The following SHLD2 variants were observed in gnomAD, a reference collection of about 807,000 sequenced individuals.
SHLD2 encodes the protein shieldin complex subunit 2, also known as RINN1-REV7-interacting novel NHEJ regulator 2.
SHLD2 carries 30 observed loss-of-function variants against 73.2 expected under a neutral mutation model. The ratio of observed to expected loss-of-function variants is 0.41; its 90% CI spans 0.31 to 0.56. SHLD2 has a LOEUF of 0.56. Among genes scored for constraint, SHLD2 ranks in the 20% least tolerant of loss-of-function variants. SHLD2 has a pLI of 0.28. For synonymous variants in SHLD2, 285 were observed against 370.1 expected, an observed-to-expected ratio of 0.77 and a Z score of 2.64; for missense variants, 745 against 1,055.9, an observed-to-expected ratio of 0.71 and a Z score of 4.08.
chr10:87,133,363 A>G (rs1729172080), intron 2 of SHLD2, among the ~76,000 whole-genome samples: 1 of 152,104 alleles, frequency 6.6e-6, no homozygotes, highest in African/African-American at 2.4e-5. Context: ...CACTTCTGCA[A>G]TATCTAAATT....
chr10:87,147,889 A>T (rs1313050090), intron 2 of SHLD2, among the ~76,000 whole-genome samples: 6 of 147,036 alleles, frequency 4.1e-5, no homozygotes, highest in Non-Finnish European at 3.0e-5. Context: ...TTTTTTTGAG[A>T]CAGAGTCACC....
chr10:87,177,643 C>A (rs1474028124), intron 7 of SHLD2, among the ~76,000 whole-genome samples: 2 of 152,110 alleles, frequency 1.3e-5, no homozygotes, highest in Non-Finnish European at 2.9e-5. Context: ...TTTCCCTAAC[C>A]TATTTTATAG....
At chr10:87,189,296 C>T (rs1303005092) in intron 9 of SHLD2, among the ~76,000 whole-genome samples, 14 of 152,304 alleles carry the variant, frequency 9.2e-5, no homozygotes, top group South Asian at 6.2e-4. Context: ...CCACCGTGTC[C>T]GGCCTATCTC....
chr10:87,155,487 C>T (rs1846349214), intron 3 of SHLD2, among the ~76,000 whole-genome samples: 1 of 151,798 alleles, frequency 6.6e-6, no homozygotes, highest in Non-Finnish European at 1.5e-5. Context: ...CAATTAATGC[C>T]TCATTGTAAA....
At position 87,111,929 on chromosome 10, in the gene SHLD2, CAAATAATCCAATTG is replaced by C. The variant is rs1203739964; in HGVS notation, c.-6+14944_-6+14957del. Among the ~76,000 whole-genome samples the C allele has an allele frequency of 2.6e-5, 4 of 151,854 alleles. No homozygotes were observed. In the East Asian group the frequency reaches 7.8e-4, roughly 30 times the overall value. On this transcript the variant is annotated intron_variant, in intron 2 of 9. Transcript: ENST00000298786. ...CTATCACAGCTCCATAAGAAAAAAG[CAAATAATCCAATTG>C]AAACAATGGGCAGGCCAGGTGCGGT...
chr10:87,113,295 A>G (rs566465967), intron 2 of SHLD2, among the ~76,000 whole-genome samples: 45 of 152,232 alleles, frequency 3.0e-4, no homozygotes, highest in Admixed American at 1.0e-3. Context: ...TTGCACTCCA[A>G]CCTGGTCAAT....
At chr10:87,094,938 G>T (rs1841698818), upstream of SHLD2, 3 of 332,718 alleles carry the variant, frequency 9.0e-6, no homozygotes, top group African/African-American at 2.2e-5. This position sits in a 1 kb window ranked among gnomAD's most constrained non-coding sequence, Gnocchi z 6.6. Context: ...CGGGGAGGAC[G>T]GACTTCGGGG....
intron 2 of SHLD2, among the ~76,000 whole-genome samples, chr10:87,139,460 T>C (rs950406605): frequency 1.3e-5 from 2 of 151,956 alleles, no homozygotes; most frequent in African/African-American, 2.4e-5. Flanking sequence ...GAAAAATCAA[T>C]AGAAAAGAGA....
chr10:87,157,802 A>G (rs1271987479), intron 3 of SHLD2, among the ~76,000 whole-genome samples: 2 of 152,224 alleles, frequency 1.3e-5, no homozygotes, highest in African/African-American at 2.4e-5. Context: ...AGCCTTTTTT[A>G]TATAGAGCAG....
At chr10:87,131,168 C>T (rs1257261826) in intron 2 of SHLD2, among the ~76,000 whole-genome samples, 2 of 151,788 alleles carry the variant, frequency 1.3e-5, no homozygotes. Flanking sequence ...TCTCTTTACC[C>T]AGAACTTATT....
rs1018546200 is a variant in SHLD2 at position 87,103,008 on chromosome 10, A to G, written c.-6+6019A>G. 3.9e-5 allele frequency among the ~76,000 whole-genome samples: 6 copies of G among 152,136 alleles called. 1 individual carries two copies. In the South Asian group the frequency reaches 1.2e-3, roughly 32 times the overall value. The stretch of plus-strand genomic sequence containing the variant: ...GGGCGGATCACGAGGTCAAGAGATC[A>G]AGACCATTCTGGCCAACATAGTGAA... On this transcript the variant is annotated intron_variant, in intron 2 of 9. Transcript: ENST00000298786.
chr10:87,144,316 C>T (rs1455382491), intron 2 of SHLD2, among the ~76,000 whole-genome samples: 1 of 152,154 alleles, frequency 6.6e-6, no homozygotes, highest in African/African-American at 2.4e-5. Context: ...GAGGCTCACC[C>T]GCACTGGCCT....
At chr10:87,098,021 G>C (rs554766828) in intron 2 of SHLD2, among the ~76,000 whole-genome samples, 7 of 152,076 alleles carry the variant, frequency 4.6e-5, no homozygotes, top group South Asian at 4.2e-4. Context: ...CTTGGCCACC[G>C]AAAGTGCTGG....
intron 2 of SHLD2, among the ~76,000 whole-genome samples, chr10:87,132,698 C>T (rs1844513046): frequency 6.6e-6 from 1 of 151,996 alleles, no homozygotes; most frequent in Non-Finnish European, 1.5e-5. Flanking sequence ...AGCTTGAGCC[C>T]AGGAGGTCAA....
chr10:87,108,122 T>C (rs889008754), intron 2 of SHLD2, among the ~76,000 whole-genome samples: 16 of 152,138 alleles, frequency 1.1e-4, no homozygotes, highest in African/African-American at 3.9e-4. Context: ...TGATCTTGGC[T>C]CACTGCAACC....
chr10:87,129,542 C>A (rs1176479446), intron 2 of SHLD2, among the ~76,000 whole-genome samples: 2 of 152,044 alleles, frequency 1.3e-5, no homozygotes, highest in Admixed American at 6.5e-5. Flanking sequence ...CCAGTTTTTT[C>A]TTCTTTATTC....
upstream of SHLD2, chr10:87,094,722 G>C (rs1313982001): frequency 1.4e-5 from 21 of 1,513,212 alleles, no homozygotes; most frequent in Non-Finnish European, 1.9e-5. The surrounding 1 kb of genome is among the most constrained non-coding windows in gnomAD (Gnocchi z 6.6). Flanking sequence ...CCAGGGCAGC[G>C]GGCCCGGCCC....
chr10:87,095,076 C>G (rs1182086953), upstream of SHLD2: 2 of 140,812 alleles, frequency 1.4e-5, no homozygotes, highest in Admixed American at 1.4e-4. Flanking sequence ...CGCACGCTCG[C>G]GCGCCAGTGG....
chr10:87,135,426 G>T (rs977771658), intron 2 of SHLD2, among the ~76,000 whole-genome samples: 1 of 151,960 alleles, frequency 6.6e-6, no homozygotes, highest in African/African-American at 2.4e-5. Context: ...ATATCTGTTT[G>T]GTATTTTTGT....
Sources: allele counts gnomAD v4.1 joint callset (sites outside exome capture counted in the v4.1 genomes callset), GRCh38; gene constraint gnomAD v4.1.1; non-coding constraint Gnocchi (gnomAD v3.1); transcripts MANE v1.5; gene names NCBI Gene and HGNC (gene_info 2026-07-23, HGNC 2026-07-21).